TAFA1: variants seen among roughly 807,000 people sequenced by gnomAD.
TAFA1 encodes chemokine-like protein TAFA-1.
A neutral mutation model predicts 18.5 loss-of-function variants in TAFA1; 4 were observed. The observed-to-expected ratio is 0.22, with a 90% CI of 0.11 to 0.49. The LOEUF is 0.49. TAFA1 is among the 20% of genes least tolerant of loss of function. The pLI is 0.98. For synonymous variants in TAFA1, 56 were observed against 55.2 expected, an observed-to-expected ratio of 1.01 and a Z score of -0.06; for missense variants, 147 against 169.0, an observed-to-expected ratio of 0.87 and a Z score of 0.72.
chr3:68,264,184 C>A (rs2067494338), intron 2 of TAFA1, among the ~76,000 whole-genome samples: 1 of 152,132 alleles, frequency 6.6e-6, no homozygotes, highest in Non-Finnish European at 1.5e-5. Context: ...GCTTGAGAAT[C>A]ACTTGAACCC....
chr3:68,444,079 C>T (rs563983280), intron 3 of TAFA1, among the ~76,000 whole-genome samples: 7 of 152,276 alleles, frequency 4.6e-5, no homozygotes, highest in South Asian at 4.2e-4. Flanking sequence ...ACAGCCTCGA[C>T]AGGTTTTCTT....
At chr3:68,022,858 AT>A (rs1704726375) in intron 2 of TAFA1, among the ~76,000 whole-genome samples, 11 of 141,502 alleles carry the variant, frequency 7.8e-5, no homozygotes, top group African/African-American at 2.2e-4. Context: ...ATATATATAT[AT>A]AAAATTAAGA....
intron 2 of TAFA1, among the ~76,000 whole-genome samples, chr3:68,054,287 G>C (rs2064506732): frequency 6.6e-6 from 1 of 152,000 alleles, no homozygotes; most frequent in Admixed American, 6.6e-5. Context: ...GAGTAGGGAG[G>C]GTAGTGAGTG....
At chr3:68,377,669 G>C (rs2106656051) in intron 2 of TAFA1, among the ~76,000 whole-genome samples, 1 of 152,286 alleles carries the variant, frequency 6.6e-6, no homozygotes, top group Non-Finnish European at 1.5e-5. Flanking sequence ...AATGTCTCCA[G>C]GGCATGTCAG....
intron 2 of TAFA1, among the ~76,000 whole-genome samples, chr3:68,310,528 A>G (rs1232838668): frequency 6.6e-6 from 1 of 152,170 alleles, no homozygotes; most frequent in Non-Finnish European, 1.5e-5. Flanking sequence ...TTTATAGTTT[A>G]TATTGTTGAA....
At chr3:68,222,462 T>G (rs2066742850) in intron 2 of TAFA1, among the ~76,000 whole-genome samples, 1 of 152,166 alleles carries the variant, frequency 6.6e-6, no homozygotes, top group South Asian at 2.1e-4. Flanking sequence ...TCCTCTTGCC[T>G]TCAGGGTTAC....
chr3:68,100,747 A>G (rs1039359190), intron 2 of TAFA1, among the ~76,000 whole-genome samples: 12 of 152,148 alleles, frequency 7.9e-5, no homozygotes, highest in African/African-American at 2.7e-4. Context: ...TGTGTTTCAG[A>G]TACTCTGCTC....
At chr3:67,995,576 TC>T in the TAFA1 span, among the ~76,000 whole-genome samples, 1 of 152,240 alleles carries the variant, frequency 6.6e-6, no homozygotes, top group South Asian at 2.1e-4. Flanking sequence ...GAGCTGGGAC[TC>T]CCAGAGATAC....
At chr3:68,403,042 A>G (rs962966607) in intron 2 of TAFA1, among the ~76,000 whole-genome samples, 1 of 152,286 alleles carries the variant, frequency 6.6e-6, no homozygotes, top group Non-Finnish European at 1.5e-5. Context: ...TACCTTTTCT[A>G]TGTCTAGATA....
At chr3:68,367,603 G>A (rs959316488) in intron 2 of TAFA1, among the ~76,000 whole-genome samples, 7 of 152,124 alleles carry the variant, frequency 4.6e-5, no homozygotes, top group Admixed American at 1.3e-4. Flanking sequence ...AATATCTGAC[G>A]AAACTCATGT....
chr3:68,001,455 A>G (rs1704282801), upstream of TAFA1, among the ~76,000 whole-genome samples: 1 of 152,200 alleles, frequency 6.6e-6, no homozygotes. Flanking sequence ...AAATTATAGT[A>G]TAGAATATTG....
intron 2 of TAFA1, among the ~76,000 whole-genome samples, chr3:68,092,158 C>A (rs937776328): frequency 6.6e-6 from 1 of 152,130 alleles, no homozygotes; most frequent in Non-Finnish European, 1.5e-5. Flanking sequence ...AGTGAATAAA[C>A]CCAACATTGT....
chr3:68,277,766 T>C (rs1437861745), intron 2 of TAFA1, among the ~76,000 whole-genome samples: 1 of 152,136 alleles, frequency 6.6e-6, no homozygotes, highest in Non-Finnish European at 1.5e-5. Flanking sequence ...TGTCTAAGTG[T>C]AGAGAGATAC....
intron 2 of TAFA1, among the ~76,000 whole-genome samples, chr3:68,060,150 T>C (rs1051031285): frequency 2.6e-5 from 4 of 152,170 alleles, no homozygotes; most frequent in African/African-American, 7.2e-5. Flanking sequence ...CTCTGACTTA[T>C]GTGCCTCATC....
intron 2 of TAFA1, among the ~76,000 whole-genome samples, chr3:68,209,448 C>G (rs182586553): frequency 1.3e-5 from 2 of 152,030 alleles, no homozygotes; most frequent in Admixed American, 1.3e-4. Flanking sequence ...GGCTCTATAA[C>G]AAATGGAAAG....
the TAFA1 span, among the ~76,000 whole-genome samples, chr3:67,997,415 T>A: frequency 6.6e-6 from 1 of 152,056 alleles, no homozygotes; most frequent in Non-Finnish European, 1.5e-5. Context: ...GACTCCAGAG[T>A]TCATTATCTC....
At chr3:68,099,382 G>A (rs1265997477) in intron 2 of TAFA1, among the ~76,000 whole-genome samples, 1 of 152,086 alleles carries the variant, frequency 6.6e-6, no homozygotes, top group South Asian at 2.1e-4. Context: ...CATACAAATT[G>A]TCAACAAATA....
At chr3:68,046,182 T>C (rs1472629543) in intron 2 of TAFA1, among the ~76,000 whole-genome samples, 2 of 152,192 alleles carry the variant, frequency 1.3e-5, no homozygotes, top group Non-Finnish European at 2.9e-5. Flanking sequence ...TTTCAGGATT[T>C]GAAACAAATC....
At chr3:68,164,873 T>C (rs2065965380) in intron 2 of TAFA1, among the ~76,000 whole-genome samples, 1 of 152,144 alleles carries the variant, frequency 6.6e-6, no homozygotes. Flanking sequence ...TCCTCTGAGA[T>C]GTATCATTTT....
Sources: gnomAD v4.1 joint callset for allele counts (sites outside exome capture counted in the v4.1 genomes callset) on GRCh38, gnomAD v4.1.1 for gene constraint, MANE v1.5 for transcripts, NCBI Gene and HGNC (gene_info 2026-07-23, HGNC 2026-07-21) for gene names.